The following MICU3 variants were observed in gnomAD, a reference collection of about 807,000 sequenced individuals.
The protein encoded by MICU3 is mitochondrial calcium uptake 3.
Under a neutral mutation model 66.5 loss-of-function variants are expected in MICU3, and 62 were observed. The observed-to-expected ratio is 0.93, with a 90% confidence interval of 0.76 to 1.15. The LOEUF is 1.15. Among genes scored for constraint, MICU3 ranks in the 50% most tolerant of loss-of-function variants. The pLI, the probability that MICU3 is intolerant of heterozygous loss-of-function variation, is 0.00. For synonymous variants in MICU3, 308 were observed against 240.7 expected (o/e 1.28, Z -2.59); for missense variants, 779 against 664.4 (o/e 1.17, Z -1.90).
intron 1 of MICU3, among the ~76,000 whole-genome samples, chr8:17,058,275 T>C (rs1005207939): frequency 6.6e-6 from 1 of 152,208 alleles, no homozygotes; most frequent in African/African-American, 2.4e-5. Flanking sequence ...CTTTAAAAGA[T>C]ATATTGGATC....
chr8:17,054,581 T>C (rs1816603597), intron 1 of MICU3, among the ~76,000 whole-genome samples: 1 of 152,152 alleles, frequency 6.6e-6, no homozygotes, highest in Non-Finnish European at 1.5e-5. Context: ...TAAACTAAAC[T>C]GTAGGATACT....
chr8:17,076,175 A>G (rs1162750390), intron 3 of MICU3, among the ~76,000 whole-genome samples: 3 of 151,874 alleles, frequency 2.0e-5, no homozygotes, highest in African/African-American at 7.3e-5. Flanking sequence ...CTATAGATGA[A>G]CGCCACCATG....
chr8:17,119,421 T>C (rs1264333736), intron 14 of MICU3, among the ~76,000 whole-genome samples: 1 of 152,062 alleles, frequency 6.6e-6, no homozygotes. Flanking sequence ...TTTTGGTCAG[T>C]TGTGGGTTTT....
intron 1 of MICU3, among the ~76,000 whole-genome samples, chr8:17,059,258 A>G (rs1349461655): frequency 6.6e-6 from 1 of 152,212 alleles, no homozygotes; most frequent in African/African-American, 2.4e-5. Flanking sequence ...TATTCTGATG[A>G]AAACGTGAAG....
At position 17,027,526 on chromosome 8, in the gene MICU3, T is replaced by C. The variant is rs1440813567; in HGVS notation, c.247T>C (p.Tyr83His). The C allele has an allele frequency of 3.1e-6, 4 of 1,281,474 alleles. No individual in the cohort carries two copies. Among genetic ancestry groups the C allele is most frequent in the East Asian group, 6.3e-5 (2 of 31,928 alleles). 79.4% of individuals were successfully genotyped at this position (1,281,474 alleles called of 1,614,324 possible). Residue 83 changes from tyrosine to histidine, a missense_variant, in exon 1 of 15, where the codon TAC (tyrosine) becomes CAC (histidine). Tyr to His is a moderately conservative substitution (Grantham distance 83, BLOSUM62 2). Transcript: ENST00000318063. ...CGGGGGGCTGGTCGGCCTGGTATGCTACCAGCTGTACGGGGACCCCAGGGC... is the reference window on the plus strand; with the variant it reads ...CGGGGGGCTGGTCGGCCTGGTATGCCACCAGCTGTACGGGGACCCCAGGGC... ...AGGGLVGLVCYQLYGDPRAGS... is the reference protein window; with the variant it reads ...AGGGLVGLVCHQLYGDPRAGS...
intron 1 of MICU3, among the ~76,000 whole-genome samples, chr8:17,032,940 T>C (rs1812341180): frequency 6.6e-6 from 1 of 152,220 alleles, no homozygotes; most frequent in Non-Finnish European, 1.5e-5. Flanking sequence ...CTTACTATTG[T>C]AATTGTACCA....
intron 2 of MICU3, among the ~76,000 whole-genome samples, chr8:17,065,000 C>T (rs1818464651): frequency 6.6e-6 from 1 of 152,068 alleles, no homozygotes; most frequent in Non-Finnish European, 1.5e-5. Context: ...ATGGATGGCA[C>T]TAGGGACCAG....
At chr8:17,132,946 A>G in the MICU3 span, 1 of 152,320 alleles carries the variant, frequency 6.6e-6, no homozygotes, top group South Asian at 2.1e-4. Flanking sequence ...AAAGAGGTGC[A>G]AGGGAACTGT....
the MICU3 span, among the ~76,000 whole-genome samples, chr8:17,128,820 G>C: frequency 6.6e-6 from 1 of 152,156 alleles, no homozygotes; most frequent in Non-Finnish European, 1.5e-5. Flanking sequence ...TCAAGTAGCT[G>C]GCTGAAATTT....
intron 1 of MICU3, among the ~76,000 whole-genome samples, chr8:17,049,894 G>T (rs1815768727): frequency 6.6e-6 from 1 of 151,784 alleles, no homozygotes; most frequent in African/African-American, 2.4e-5. Flanking sequence ...ATGAACTTTT[G>T]TTTTTTTACT....
At chr8:17,138,273 T>C in the MICU3 span, among the ~76,000 whole-genome samples, 1 of 152,046 alleles carries the variant, frequency 6.6e-6, no homozygotes, top group African/African-American at 2.4e-5. Context: ...CAGCAGAATG[T>C]AAATGTATGT....
intron 1 of MICU3, among the ~76,000 whole-genome samples, chr8:17,033,521 C>T (rs373604392): frequency 1.6e-3 from 241 of 152,188 alleles, no homozygotes; most frequent in African/African-American, 4.0e-3. Flanking sequence ...CTGCAAGCTC[C>T]GCCTCGCCGG....
At chr8:17,066,481 T>G (rs1303047687) in intron 2 of MICU3, among the ~76,000 whole-genome samples, 2 of 146,978 alleles carry the variant, frequency 1.4e-5, no homozygotes, top group East Asian at 4.0e-4. Context: ...TTTTCAAACA[T>G]ATTTGAAAGC....
At chr8:17,119,556 G>GATAA (rs1554541275) in intron 14 of MICU3, among the ~76,000 whole-genome samples, 1,716 of 151,072 alleles carry the variant, frequency 0.011, 29 homozygotes, top group East Asian at 0.04. Flanking sequence ...TAGATAGATA[G>GATAA]ATAGATAGAT....
intron 1 of MICU3, among the ~76,000 whole-genome samples, chr8:17,062,536 G>C (rs1019525162): frequency 6.6e-6 from 1 of 152,156 alleles, no homozygotes; most frequent in Non-Finnish European, 1.5e-5. Flanking sequence ...CGTTTAATAA[G>C]ATGTAACTTA....
intron 12 of MICU3, among the ~76,000 whole-genome samples, chr8:17,115,240 A>T (rs188741305): frequency 6.6e-6 from 1 of 152,310 alleles, no homozygotes; most frequent in East Asian, 1.9e-4. Flanking sequence ...TGATTTCATC[A>T]TGTGGCCTTA....
At chr8:17,076,284 C>T (rs554567163) in intron 3 of MICU3, among the ~76,000 whole-genome samples, 47 of 152,156 alleles carry the variant, frequency 3.1e-4, no homozygotes, top group Non-Finnish European at 6.0e-4. Context: ...ATCTACCCAC[C>T]TCAGCCTCCC....
In MICU3 at chr8:17,107,835, G is replaced by A. The variant is rs558626862; in HGVS notation, c.1257+2251G>A. On this transcript the variant is annotated intron_variant, in intron 11 of 14. Transcript: ENST00000318063. ...TGACAATCAACTGTGACACTCAGATGTGGTCTAATTCATGTGCCAGATATC... is the reference window on the plus strand; with the variant it reads ...TGACAATCAACTGTGACACTCAGATATGGTCTAATTCATGTGCCAGATATC... Among the ~76,000 whole-genome samples the A allele has an allele frequency of 6.2e-4, 94 of 152,340 alleles. No individual in the cohort carries two copies. The Middle Eastern group carries it at 0.01, about 17-fold the overall frequency.
At chr8:17,078,071 A>C (rs895950031) in intron 4 of MICU3, among the ~76,000 whole-genome samples, 3 of 151,924 alleles carry the variant, frequency 2.0e-5, no homozygotes, top group African/African-American at 7.2e-5. Flanking sequence ...GGTGGTTTTC[A>C]TGTTATTGTT....
Sources: gnomAD v4.1 joint callset for allele counts (sites outside exome capture counted in the v4.1 genomes callset) on GRCh38, gnomAD v4.1.1 for gene constraint, MANE v1.5 for transcripts, NCBI Gene and HGNC (gene_info 2026-07-23, HGNC 2026-07-21) for gene names.